HDAC7: variants seen among roughly 807,000 people sequenced by gnomAD.
HDAC7 encodes the protein histone deacetylase 7A.
A neutral mutation model predicts 115.5 loss-of-function variants in HDAC7; 26 were observed. The ratio of observed to expected loss-of-function variants is 0.23; its 90% CI spans 0.16 to 0.31. The LOEUF (loss-of-function observed/expected upper bound fraction) is 0.31. Ranked by LOEUF, HDAC7 falls within the 10% of genes least tolerant of loss-of-function variation. The probability of loss-of-function intolerance (pLI) is 1.00; values close to 1 mark genes in which losing one functional copy is unlikely to be tolerated. For missense variants in HDAC7, 1,068 were observed against 1,329.0 expected, an observed-to-expected ratio of 0.80 and a Z score of 3.05; for synonymous variants, 564 against 550.9, an observed-to-expected ratio of 1.02 and a Z score of -0.33.
At chr12:47,792,327 G>A in intron 13 of HDAC7, 1 of 418,102 alleles carries the variant, frequency 2.4e-6, no homozygotes, top group Admixed American at 4.1e-5. Context: ...CGAGGGCCCA[G>A]CACCAGGCCC....
chr12:47,795,016 A>C lies in HDAC7; in HGVS notation c.1285-83T>G, dbSNP rs918515099. ...AGGTGGTGGGCTGGGCCAGGCAGCC[A>C]GTCATCTTGCTAGGACTCCAGCTGC... On this transcript the variant is annotated intron_variant, in intron 11 of 25. Coordinates refer to ENST00000080059, the MANE Select transcript of HDAC7 (RefSeq NM_015401.5). This position sits in a 1 kb window ranked among gnomAD's most constrained non-coding sequence, Gnocchi z 4.3. The C allele has an allele frequency of 4.2e-6, 6 of 1,445,046 alleles. No individual in the cohort carries two copies. In the African/African-American group the frequency reaches 5.6e-5, roughly 14 times the overall value. 89.5% of individuals were successfully genotyped at this position (1,445,046 alleles called of 1,614,324 possible). A position where few individuals can be genotyped will look rare whatever the true frequency, so the allele number is the denominator to read the frequency against.
At chr12:47,820,315 A>G (rs1437701214), upstream of HDAC7, among the ~76,000 whole-genome samples, 1 of 152,134 alleles carries the variant, frequency 6.6e-6, no homozygotes, top group African/African-American at 2.4e-5. The surrounding 1 kb of genome is among the most constrained non-coding windows in gnomAD (Gnocchi z 4.3). Flanking sequence ...CACAGCACAC[A>G]CTGGGGCTTC....
chr12:47,790,604 A>G (rs1592640740), intron 16 of HDAC7: 1 of 156,222 alleles, frequency 6.4e-6, no homozygotes, highest in Non-Finnish European at 1.4e-5. Context: ...AAAGTCCCCC[A>G]CCAGCTACAG....
In HDAC7 at chr12:47,795,288, G is replaced by A. The variant is rs750167560; in HGVS notation, c.1180C>T (p.Arg394Trp). ...GGGGGCAGGGGCTCTGAGCGAGTCC[G>A]GCTCAGTGGCCAGTGGAGGCCTGAC... ...SGSGLHWPLS[R>W]TRSEPLPPSA... Residue 394 changes from arginine (R) to tryptophan (W), a missense_variant, in exon 11 of 26, where the codon CGG becomes TGG. This residue lies in a region of HDAC7 where 618 missense variants were observed against 701.5 expected (regional missense o/e 0.88). Coordinates refer to ENST00000080059, the MANE Select transcript of HDAC7 (RefSeq NM_015401.5). This position sits in a 1 kb window ranked among gnomAD's most constrained non-coding sequence, Gnocchi z 4.3. The A allele has an allele frequency of 5.6e-6, 9 of 1,612,546 alleles. No individual in the cohort carries two copies. The highest frequency in any genetic ancestry group is 7.6e-6 in the Non-Finnish European group (9 of 1,179,098).
rs747546893 is a variant in HDAC7 at position 47,791,927 on chromosome 12, G to A, written c.1756C>T (p.Arg586Cys). 1.9e-6 allele frequency: 3 copies of A among 1,611,116 alleles called. No individual in the cohort carries two copies. Among genetic ancestry groups the A allele is most frequent in the South Asian group, 2.2e-5 (2 of 90,704 alleles). ...DNSRHPEHAG[R>C]IQSIWSRLQE... ...AGCCGGGACCAGATGCTCTGGATGC[G>A]GCCGGCGTGCTCCGGGTGCCTGCTG... is the stretch of plus-strand genomic sequence containing the variant. Residue 586 changes from arginine (R) to cysteine (C), a missense_variant, in exon 14 of 26, where the codon CGC becomes TGC. Physicochemically the swap from Arg to Cys is radical, Grantham distance 180. This residue lies in a region of HDAC7 where 618 missense variants were observed against 701.5 expected (regional missense o/e 0.88). Coordinates refer to ENST00000080059, the MANE Select transcript of HDAC7 (RefSeq NM_015401.5).
intron 1 of HDAC7, among the ~76,000 whole-genome samples, chr12:47,804,898 C>T (rs563382369): frequency 6.6e-6 from 1 of 152,148 alleles, no homozygotes; most frequent in African/African-American, 2.4e-5. Context: ...CTTGGTCCTC[C>T]CTCCCCAGCA....
chr12:47,819,722 G>A, intron 1 of HDAC7, 45 bp downstream of exon 1: 1 of 650,280 alleles, frequency 1.5e-6, no homozygotes, highest in Non-Finnish European at 1.9e-6. Context: ...GCGACGCTGG[G>A]TGCCGCGCGC....
At position 47,797,272 on chromosome 12, in the gene HDAC7, C is replaced by A; in HGVS notation, c.577+112G>T. The stretch of plus-strand genomic sequence containing the variant: ...GAACTAGAAAGAAGATCCTAGCCTA[C>A]CGATGATCTCCTGGCCCAGCCCAGC... On this transcript the variant is annotated intron_variant, in intron 6 of 25. Coordinates refer to ENST00000080059, the MANE Select transcript of HDAC7 (RefSeq NM_015401.5). This position sits in a 1 kb window ranked among gnomAD's most constrained non-coding sequence, Gnocchi z 5.5. 1 of 1,543,628 alleles carries A rather than the reference C, an allele frequency of 6.5e-7. No homozygotes were observed. Among genetic ancestry groups the A allele is most frequent in the Middle Eastern group, 1.7e-4 (1 of 5,808 alleles).
At chr12:47,790,256 A>C in intron 16 of HDAC7, 2 of 312,446 alleles carry the variant, frequency 6.4e-6, no homozygotes, top group East Asian at 7.1e-5. Flanking sequence ...GCCCCAGCTG[A>C]CTCTGCTCAG....
At chr12:47,786,448 G>T in intron 22 of HDAC7, 137 bp downstream of exon 22, 1 of 647,140 alleles carries the variant, frequency 1.5e-6, no homozygotes, top group East Asian at 2.7e-5. Context: ...AGGACCAGCT[G>T]CCATACTCCA....
intron 1 of HDAC7, among the ~76,000 whole-genome samples, chr12:47,811,777 C>T (rs1368092562): frequency 1.3e-5 from 2 of 152,192 alleles, no homozygotes; most frequent in Non-Finnish European, 2.9e-5. Context: ...CTTCTTGGAC[C>T]ATATATCCTC....
rs374940822 is a variant in HDAC7, at chr12:47,791,941, G to A, written c.1742C>T (p.Pro581Leu). Residue 581 changes from proline (P) to leucine (L), a missense_variant, in exon 14 of 26, where the codon CCG becomes CTG. Pro to Leu is a moderately conservative substitution (Grantham distance 98). Coordinates refer to ENST00000080059, the MANE Select transcript of HDAC7 (RefSeq NM_015401.5). ...GCTCTGGATGCGGCCGGCGTGCTCC[G>A]GGTGCCTGCTGTTGTCACCGCAGGA... is the stretch of plus-strand genomic sequence containing the variant. Reference protein sequence around the residue: ...QCSCGDNSRHPEHAGRIQSIW... With the variant: ...QCSCGDNSRHLEHAGRIQSIW... 6.5e-5 allele frequency: 104 copies of A among 1,610,570 alleles called. No homozygotes were observed. Among genetic ancestry groups the A allele is most frequent in the Middle Eastern group, 1.7e-4 (1 of 5,994 alleles).
In HDAC7 at chr12:47,783,802, T is replaced by A; in HGVS notation, c.*39A>T. 1 of 1,598,130 alleles carries A rather than the reference T, an allele frequency of 6.3e-7. No individual in the cohort carries two copies. The highest frequency in any genetic ancestry group is 8.5e-7 in the Non-Finnish European group (1 of 1,170,650). ...TGCCAGGGGTTAGAAGAGAACCAGG[T>A]CCCAAGGGCATGGTGGGCGGGCAGA... is the stretch of plus-strand genomic sequence containing the variant. On this transcript the variant is annotated 3_prime_UTR_variant, in exon 26 of 26. Coordinates refer to ENST00000080059, the MANE Select transcript of HDAC7 (RefSeq NM_015401.5).
chr12:47,821,042 G>A (rs7487637), upstream of HDAC7, among the ~76,000 whole-genome samples: 29,015 of 152,048 alleles, frequency 0.19, 3,579 homozygotes, highest in Non-Finnish European at 0.28. Flanking sequence ...AAGGGGAGAG[G>A]TCCACCACGC....
At chr12:47,789,761 C>T in intron 17 of HDAC7, 52 bp downstream of exon 17, 2 of 1,456,536 alleles carry the variant, frequency 1.4e-6, no homozygotes, top group Non-Finnish European at 1.9e-6. Context: ...CCCCACTACC[C>T]CACTCTGCTT....
At position 47,793,615 on chromosome 12, in the gene HDAC7, C is replaced by A. The variant is rs1943653934; in HGVS notation, c.1459-27G>T. On this transcript the variant is annotated intron_variant, in intron 12 of 25. Transcript: ENST00000080059. The surrounding 1 kb of genome is among the most constrained non-coding windows in gnomAD (Gnocchi z 4.5). Reference sequence around the variant, plus strand: ...TAGGGGAAAGATGGGGCCTTGGTCTCCAGTGTTTCAGGGTCCTGCTCCCTC... The same window carrying A: ...TAGGGGAAAGATGGGGCCTTGGTCTACAGTGTTTCAGGGTCCTGCTCCCTC... 3 of 1,505,284 alleles carry A rather than the reference C, an allele frequency of 2.0e-6. No individual in the cohort carries two copies. The highest frequency in any genetic ancestry group is 2.7e-6 in the Non-Finnish European group (3 of 1,117,594). 93.2% of individuals were successfully genotyped at this position (1,505,284 alleles called of 1,614,324 possible). A position where few individuals can be genotyped will look rare whatever the true frequency, so the allele number is the denominator to read the frequency against.
At chr12:47,785,632 C>G (rs1197795272) in intron 23 of HDAC7, 120 bp downstream of exon 23, 1 of 1,411,154 alleles carries the variant, frequency 7.1e-7, no homozygotes, top group African/African-American at 1.4e-5. Flanking sequence ...CTTCGCCTAC[C>G]TTGTTTCAGG....
In HDAC7 at chr12:47,797,558, C is replaced by A; in HGVS notation, c.462-59G>T. The A allele has an allele frequency of 7.7e-7, 1 of 1,305,460 alleles. No individual in the cohort carries two copies. The highest frequency in any genetic ancestry group is 1.3e-5 in the South Asian group (1 of 74,474). 80.9% of individuals were successfully genotyped at this position (1,305,460 alleles called of 1,614,324 possible). On this transcript the variant is annotated intron_variant, in intron 5 of 25. Coordinates refer to ENST00000080059, the MANE Select transcript of HDAC7 (RefSeq NM_015401.5). The surrounding 1 kb of genome is among the most constrained non-coding windows in gnomAD (Gnocchi z 5.5). ...GTGGGGACACTGCACGGGCACTGCCCTGAGCACGGGCCCTGGGACCTGAGG... is the reference window on the plus strand; with the variant it reads ...GTGGGGACACTGCACGGGCACTGCCATGAGCACGGGCCCTGGGACCTGAGG...
chr12:47,792,761 T>C, intron 13 of HDAC7: 1 of 436,082 alleles, frequency 2.3e-6, no homozygotes, highest in African/African-American at 2.0e-5. Context: ...AAGGGATCCC[T>C]CAGTAAAAAT....
Sources: gnomAD v4.1 joint callset for allele counts (sites outside exome capture counted in the v4.1 genomes callset) on GRCh38, gnomAD v4.1.1 for gene constraint, gnomAD v4.1.1 regional missense constraint, Gnocchi (gnomAD v3.1) non-coding constraint, MANE v1.5 for transcripts, NCBI Gene and HGNC (gene_info 2026-07-23, HGNC 2026-07-21) for gene names.